MAK: variants seen among roughly 807,000 people sequenced by gnomAD.
MAK encodes male germ cell associated kinase.
In MAK, 65 loss-of-function variants were observed where a neutral mutation model predicts 82.6. That is an observed-to-expected ratio of 0.79 (90% CI 0.64 to 0.97). MAK has a LOEUF of 0.97. Among genes scored for constraint, MAK ranks in the 50% least tolerant of loss-of-function variants. The pLI is 0.00. For missense variants in MAK, 703 were observed against 780.2 expected, an observed-to-expected ratio of 0.90 and a Z score of 1.18; for synonymous variants, 250 against 274.2, an observed-to-expected ratio of 0.91 and a Z score of 0.87.
Position 10,833,474 on chromosome 6 carries a change from G to A in MAK, c.-229-2597C>T, listed in dbSNP as rs115132397. ...ACAGAAATTAGCTGGGTGTGGTGGCGCAGGCCTGTAGCCCTAGTTACTAAG... is the reference window on the plus strand; with the variant it reads ...ACAGAAATTAGCTGGGTGTGGTGGCACAGGCCTGTAGCCCTAGTTACTAAG... On this transcript the variant is annotated intron_variant, in intron 1 of 14. Transcript: ENST00000354489. Among the ~76,000 whole-genome samples the A allele has an allele frequency of 9.7e-3, 1,478 of 152,134 alleles. 27 individuals carry two copies. The highest frequency in any genetic ancestry group is 0.034 in the African/African-American group (1,401 of 41,496).
chr6:10,823,225 G>A (rs895912158), intron 2 of MAK, among the ~76,000 whole-genome samples: 2 of 152,092 alleles, frequency 1.3e-5, no homozygotes, highest in African/African-American at 4.8e-5. Flanking sequence ...CTTCTTCTCT[G>A]CTTCTCAACG....
At chr6:10,806,383 C>T (rs1398400830) in intron 6 of MAK, among the ~76,000 whole-genome samples, 21 of 151,946 alleles carry the variant, frequency 1.4e-4, no homozygotes, top group Admixed American at 1.4e-3. Flanking sequence ...GGCTGGAGTG[C>T]AGTGGCGCGA....
chr6:10,807,871 C>T lies in MAK; in HGVS notation c.491+939G>A, dbSNP rs569758236. ...TCACCGGAGGTCAGGAATTTGAGAC[C>T]AGCCTGGCTAACACGGTGAAACCAC... On this transcript the variant is annotated intron_variant, in intron 6 of 14. Coordinates refer to ENST00000354489, the MANE Select transcript of MAK (RefSeq NM_001242957.3). Among the ~76,000 whole-genome samples, 119 of 151,910 alleles carry T rather than the reference C, an allele frequency of 7.8e-4. 2 individuals carry two copies. Among genetic ancestry groups the T allele is most frequent in the African/African-American group, 2.7e-3 (111 of 41,468 alleles).
intron 8 of MAK, 98 bp from the exon 9 acceptor site, chr6:10,796,407 G>A: frequency 1.1e-6 from 1 of 914,286 alleles, no homozygotes. Context: ...TTTATCATTA[G>A]CCCACATGAG....
intron 13 of MAK, 72 bp from the exon 14 acceptor site, chr6:10,770,302 T>TAC (rs1278349170): frequency 3.3e-5 from 50 of 1,513,558 alleles, no homozygotes; most frequent in Non-Finnish European, 4.2e-5. Context: ...CATTGAATAC[T>TAC]ACCCCATTAC....
intron 11 of MAK, 85 bp downstream of exon 11, chr6:10,784,339 G>A: frequency 6.8e-7 from 1 of 1,470,922 alleles, no homozygotes; most frequent in African/African-American, 1.4e-5. Context: ...CTTCACTGCT[G>A]CCCTTTCTTT....
intron 14 of MAK, among the ~76,000 whole-genome samples, chr6:10,764,957 G>C (rs565827228): frequency 3.3e-5 from 5 of 152,020 alleles, no homozygotes; most frequent in African/African-American, 9.7e-5. Context: ...TCAGCTGAGC[G>C]TGGTGGCGGG....
At chr6:10,786,913 G>A (rs1327727875) in intron 10 of MAK, among the ~76,000 whole-genome samples, 2 of 112,960 alleles carry the variant, frequency 1.8e-5, no homozygotes, top group Non-Finnish European at 1.8e-5. Context: ...TAATTCACCA[G>A]TTCACCTCCT....
intron 6 of MAK, among the ~76,000 whole-genome samples, chr6:10,807,508 A>G (rs1221814027): frequency 6.6e-6 from 1 of 151,416 alleles, no homozygotes; most frequent in African/African-American, 2.4e-5. Context: ...CACCCGGCTA[A>G]TTTTGTATTT....
chr6:10,778,307 A>C (rs1408217219), intron 11 of MAK, among the ~76,000 whole-genome samples: 1 of 152,208 alleles, frequency 6.6e-6, no homozygotes, highest in African/African-American at 2.4e-5. Flanking sequence ...AGCAGGGTGC[A>C]TCATGTTTAG....
chr6:10,803,078 G>A (rs1029786042), intron 7 of MAK, among the ~76,000 whole-genome samples: 5 of 152,156 alleles, frequency 3.3e-5, no homozygotes, highest in African/African-American at 1.2e-4. Context: ...GCAGGAAAGA[G>A]CTCAAGCAAG....
At chr6:10,778,574 G>A (rs1455203048) in intron 11 of MAK, among the ~76,000 whole-genome samples, 3 of 152,110 alleles carry the variant, frequency 2.0e-5, no homozygotes, top group Non-Finnish European at 4.4e-5. Flanking sequence ...TCCTTGAAGA[G>A]GCAACAGTTT....
At chr6:10,782,774 C>T (rs1454601393) in intron 11 of MAK, among the ~76,000 whole-genome samples, 3 of 152,030 alleles carry the variant, frequency 2.0e-5, no homozygotes, top group Non-Finnish European at 4.4e-5. Flanking sequence ...GACGGGGTTT[C>T]ACCATGTTGG....
intron 5 of MAK, among the ~76,000 whole-genome samples, chr6:10,813,136 A>ATTTTT (rs869114611): frequency 0.022 from 16 of 728 alleles, 4 homozygotes; most frequent in Admixed American, 0.1. Context: ...ATATATATAA[A>ATTTTT]TTTTTTTTTT....
intron 2 of MAK, among the ~76,000 whole-genome samples, chr6:10,820,123 T>G (rs527731012): frequency 6.6e-6 from 1 of 151,002 alleles, no homozygotes; most frequent in Admixed American, 6.6e-5. Flanking sequence ...AAAAAAAAAA[T>G]TTAAAAAAAA....
In MAK at chr6:10,796,092, G is replaced by A. The variant is rs747711453; in HGVS notation, c.1049C>T (p.Pro350Leu). 6.2e-7 allele frequency: 1 copy of A among 1,613,986 alleles called. No homozygotes were observed. The highest frequency in any genetic ancestry group is 8.5e-7 in the Non-Finnish European group (1 of 1,180,022). ...SQQPLQPIQP[P>L]QNLSVQQPPK... ...AGGTTGCTGGACGCTCAGGTTCTGT[G>A]GCGGCTGAATGGGCTGCAGTGGCTG... The change falls in exon 9 of 15, where the codon CCA (proline) becomes CTA (leucine). Residue 350 changes from proline to leucine, a missense_variant. Coordinates refer to ENST00000354489, the MANE Select transcript of MAK (RefSeq NM_001242957.3).
chr6:10,830,687 G>T lies in MAK; in HGVS notation c.-39C>A. The T allele has an allele frequency of 1.4e-6, 2 of 1,450,686 alleles. No individual in the cohort carries two copies. Among genetic ancestry groups the T allele is most frequent in the Non-Finnish European group, 1.9e-6 (2 of 1,031,050 alleles). The allele number at this position is 1,450,686 out of a possible 1,614,324, so 89.9% of individuals were successfully genotyped here. ...TGCAGCAGAAGTTGTTGATTGAAAT[G>T]ACTTCCTTGTTGAATATAAATTTGA... On this transcript the variant is annotated 5_prime_UTR_variant, in exon 2 of 15. Coordinates refer to ENST00000354489, the MANE Select transcript of MAK (RefSeq NM_001242957.3).
intron 14 of MAK, among the ~76,000 whole-genome samples, chr6:10,767,027 C>T (rs1174967725): frequency 1.4e-5 from 2 of 147,786 alleles, no homozygotes; most frequent in African/African-American, 5.4e-5. Flanking sequence ...TGAGAGGAGC[C>T]CAGATCTCGT....
chr6:10,824,812 A>C (rs564007071), intron 2 of MAK, among the ~76,000 whole-genome samples: 34 of 152,292 alleles, frequency 2.2e-4, no homozygotes, highest in Non-Finnish European at 3.7e-4. Flanking sequence ...GTCCCACTGC[A>C]GTCTGGCTTC....
Sources: gnomAD v4.1 joint callset for allele counts (sites outside exome capture counted in the v4.1 genomes callset) on GRCh38, gnomAD v4.1.1 for gene constraint, MANE v1.5 for transcripts, NCBI Gene and HGNC (gene_info 2026-07-23, HGNC 2026-07-21) for gene names.